SLC25A30: variants seen among roughly 807,000 people sequenced by gnomAD.
SLC25A30 encodes solute carrier family 25 member 30.
Under a neutral mutation model 42.7 loss-of-function variants are expected in SLC25A30, and 29 were observed. The ratio of observed to expected loss-of-function variants is 0.68; its 90% CI spans 0.51 to 0.93. The LOEUF is 0.93. Among genes scored for constraint, SLC25A30 ranks in the 40% least tolerant of loss-of-function variants. The probability of loss-of-function intolerance (pLI) is 0.00; values close to 1 mark genes in which losing one functional copy is unlikely to be tolerated. For missense variants in SLC25A30, 300 were observed against 359.7 expected (o/e 0.83, Z 1.34); for synonymous variants, 124 against 131.0 (o/e 0.95, Z 0.37).
Position 45,395,551 on chromosome 13 carries a change from C to A in SLC25A30, c.*423G>T, listed in dbSNP as rs1352590686. On this transcript the variant is annotated 3_prime_UTR_variant, in exon 10 of 10. Coordinates refer to ENST00000519676, the MANE Select transcript of SLC25A30 (RefSeq NM_001010875.4). ...GCAAAATCTCCCAGAAATTCAGAAACCATAACACCTTCTCGGAGGCTCCAT... is the reference window on the plus strand; with the variant it reads ...GCAAAATCTCCCAGAAATTCAGAAAACATAACACCTTCTCGGAGGCTCCAT... The A allele has an allele frequency of 1.9e-6, 2 of 1,070,012 alleles. No homozygotes were observed. The highest frequency in any genetic ancestry group is 2.3e-6 in the Non-Finnish European group (2 of 879,756). The allele number at this position is 1,070,012 out of a possible 1,614,324, so 66.3% of individuals were successfully genotyped here.
chr13:45,424,640 A>AAAATAAATATATATAAATAT, the SLC25A30 span, among the ~76,000 whole-genome samples: 1 of 35,716 alleles, frequency 2.8e-5, no homozygotes, highest in African/African-American at 1.6e-4. Context: ...TATGTATATA[A>AAAATAAATATATATAAATAT]ACATAAATAT....
At chr13:45,425,089 A>AT in the SLC25A30 span, among the ~76,000 whole-genome samples, 79 of 2,080 alleles carry the variant, frequency 0.038, 15 homozygotes, top group African/African-American at 0.057. Context: ...TAAATATATA[A>AT]ATATATTTAT....
intron 5 of SLC25A30, chr13:45,402,848 G>A (rs577236666): frequency 4.0e-5 from 39 of 985,150 alleles, no homozygotes; most frequent in Middle Eastern, 5.2e-4. Flanking sequence ...AAGGTATGCA[G>A]GCGAGCTAGC....
chr13:45,400,307 A>G (rs950735435), intron 7 of SLC25A30, among the ~76,000 whole-genome samples: 1 of 151,926 alleles, frequency 6.6e-6, no homozygotes, highest in African/African-American at 2.4e-5. Flanking sequence ...CGGCAGTCCC[A>G]GCTACTTGGA....
At chr13:45,425,062 G>A in the SLC25A30 span, among the ~76,000 whole-genome samples, 3 of 19,884 alleles carry the variant, frequency 1.5e-4, 1 homozygote, top group Non-Finnish European at 2.7e-4. Context: ...AAATATATAA[G>A]TATATATACA....
chr13:45,425,086 A>G, the SLC25A30 span, among the ~76,000 whole-genome samples: 1 of 34,558 alleles, frequency 2.9e-5, no homozygotes, highest in Non-Finnish European at 5.5e-5. Context: ...ATATAAATAT[A>G]TAAATATATT....
At chr13:45,414,635 T>TACACACATACAC (rs1555288079) in intron 1 of SLC25A30, among the ~76,000 whole-genome samples, 2 of 139,908 alleles carry the variant, frequency 1.4e-5, no homozygotes, top group Non-Finnish European at 3.2e-5. Context: ...CACACACACA[T>TACACACATACAC]ACACACACAC....
the SLC25A30 span, among the ~76,000 whole-genome samples, chr13:45,427,167 A>G: frequency 6.6e-6 from 1 of 152,092 alleles, no homozygotes; most frequent in Non-Finnish European, 1.5e-5. Context: ...ATATCCCAAA[A>G]CACGGTGCTT....
chr13:45,396,090 T>C, intron 9 of SLC25A30, 75 bp from the exon 10 acceptor site: 1 of 1,613,756 alleles, frequency 6.2e-7, no homozygotes, highest in Non-Finnish European at 8.5e-7. Context: ...GACTTACAAA[T>C]GGCACACTTA....
At chr13:45,396,173 C>G in intron 9 of SLC25A30, 158 bp from the exon 10 acceptor site, 1 of 1,511,218 alleles carries the variant, frequency 6.6e-7, no homozygotes, top group Admixed American at 2.2e-5. Flanking sequence ...TTAACCACAT[C>G]AAACTATCTT....
chr13:45,425,258 G>C, the SLC25A30 span, among the ~76,000 whole-genome samples: 1 of 99,296 alleles, frequency 1.0e-5, no homozygotes, highest in Non-Finnish European at 1.8e-5. Flanking sequence ...ATATATATAC[G>C]TATATATACG....
chr13:45,425,312 A>G, the SLC25A30 span, among the ~76,000 whole-genome samples: 1 of 108,172 alleles, frequency 9.2e-6, no homozygotes, highest in African/African-American at 3.8e-5. Flanking sequence ...ATATATAAAT[A>G]TATATGTATA....
At chr13:45,400,423 T>A (rs1009474003) in intron 7 of SLC25A30, among the ~76,000 whole-genome samples, 1 of 151,966 alleles carries the variant, frequency 6.6e-6, no homozygotes, top group African/African-American at 2.4e-5. Context: ...CCGTCTCACA[T>A]AAATAAATAA....
the SLC25A30 span, among the ~76,000 whole-genome samples, chr13:45,423,605 A>G: frequency 5.0e-4 from 53 of 106,640 alleles, 4 homozygotes; most frequent in East Asian, 0.011. Context: ...ATATATATAT[A>G]AATATATATA....
chr13:45,402,697 T>C, intron 5 of SLC25A30: 1 of 842,866 alleles, frequency 1.2e-6, no homozygotes, highest in Non-Finnish European at 1.4e-6. Flanking sequence ...CCTACTACTA[T>C]ATAGGTGAGA....
the SLC25A30 span, among the ~76,000 whole-genome samples, chr13:45,427,738 T>TTTTTCTTTTCTTTTCTTTTCTTTTTC: frequency 6.7e-6 from 1 of 148,566 alleles, no homozygotes; most frequent in Non-Finnish European, 1.5e-5. Context: ...CCCCCTACAA[T>TTTTTCTTTTCTTTTCTTTTCTTTTTC]TTTTCTTTTC....
At chr13:45,429,425 T>C in the SLC25A30 span, among the ~76,000 whole-genome samples, 2 of 151,954 alleles carry the variant, frequency 1.3e-5, no homozygotes, top group Non-Finnish European at 2.9e-5. Flanking sequence ...AGAAAGCTAA[T>C]GGAGGATATT....
intron 6 of SLC25A30, among the ~76,000 whole-genome samples, chr13:45,401,809 C>T (rs552460615): frequency 1.3e-5 from 2 of 152,070 alleles, no homozygotes; most frequent in Admixed American, 6.5e-5. Flanking sequence ...ACTGTAATCC[C>T]GGCACTTTGG....
rs1881249420 is a variant in SLC25A30 at position 45,395,650 on chromosome 13, T to C, written c.*324A>G. 8.2e-7 allele frequency: 1 copy of C among 1,213,030 alleles called. No homozygotes were observed. Among genetic ancestry groups the C allele is most frequent in the African/African-American group, 1.6e-5 (1 of 64,314 alleles). The allele number at this position is 1,213,030 out of a possible 1,614,324, so 75.1% of individuals were successfully genotyped here. ...AGCTGAGATGCATCAGGAGCTACTC[T>C]CCCTGAATAAAACAATACATCGCTC... On this transcript the variant is annotated 3_prime_UTR_variant, in exon 10 of 10. Transcript: ENST00000519676.
Sources: allele counts gnomAD v4.1 joint callset (sites outside exome capture counted in the v4.1 genomes callset), GRCh38; gene constraint gnomAD v4.1.1; transcripts MANE v1.5; gene names NCBI Gene and HGNC (gene_info 2026-07-23, HGNC 2026-07-21).